The following TRAPPC9 variants were observed in gnomAD, a reference collection of about 807,000 sequenced individuals.
The protein encoded by TRAPPC9 is trafficking protein particle complex subunit 9.
Under a neutral mutation model 124.0 loss-of-function variants are expected in TRAPPC9, and 83 were observed. That is an observed-to-expected ratio of 0.67 (90% CI 0.56 to 0.80). TRAPPC9 has a LOEUF of 0.80. Ranked by LOEUF, TRAPPC9 falls within the 30% of genes least tolerant of loss-of-function variation. The pLI is 0.00. For synonymous variants in TRAPPC9, 638 were observed against 617.5 expected (o/e 1.03, Z -0.49); for missense variants, 1,302 against 1,508.3 (o/e 0.86, Z 2.27).
At chr8:140,120,808 T>TCATCCATCTAACATCCATC (rs2060973475) in intron 17 of TRAPPC9, among the ~76,000 whole-genome samples, 4 of 115,572 alleles carry the variant, frequency 3.5e-5, no homozygotes, top group African/African-American at 1.4e-4. Flanking sequence ...ATCCATCCAT[T>TCATCCATCTAACATCCATC]CATCCATCTA....
Position 140,162,209 on chromosome 8 carries a change from G to A in TRAPPC9, c.2556+59250C>T, listed in dbSNP as rs539003181. Among the ~76,000 whole-genome samples the A allele has an allele frequency of 2.0e-5, 3 of 152,212 alleles. No homozygotes were observed. In the South Asian group the frequency reaches 6.2e-4, roughly 32 times the overall value. On this transcript the variant is annotated intron_variant, in intron 17 of 22. Transcript: ENST00000438773. The stretch of plus-strand genomic sequence containing the variant: ...TCTTTCAAGAATGAGTGATTCAGGG[G>A]ACAGCCACAGCCTGCCACCCTGCTT...
At chr8:140,424,840 G>A (rs1017226253) in intron 5 of TRAPPC9, among the ~76,000 whole-genome samples, 1 of 152,122 alleles carries the variant, frequency 6.6e-6, no homozygotes. Flanking sequence ...TTTTGGAAAC[G>A]GTGGTGAGGA....
intron 19 of TRAPPC9, among the ~76,000 whole-genome samples, chr8:139,978,097 C>T (rs1405687019): frequency 2.6e-5 from 4 of 152,136 alleles, no homozygotes; most frequent in African/African-American, 7.2e-5. Context: ...AGGCTGGTCT[C>T]GAACTCCTGG....
chr8:140,147,837 C>T (rs7815059), intron 17 of TRAPPC9, among the ~76,000 whole-genome samples: 484 of 152,382 alleles, frequency 3.2e-3, no homozygotes, highest in Non-Finnish European at 5.0e-3. Flanking sequence ...AGCAACACGG[C>T]GGCGGCTCAG....
intron 19 of TRAPPC9, among the ~76,000 whole-genome samples, chr8:139,924,967 G>C (rs1401927635): frequency 6.6e-6 from 1 of 152,230 alleles, no homozygotes; most frequent in Non-Finnish European, 1.5e-5. Context: ...CCAGAGGGTA[G>C]AGCCAGAGCA....
intron 15 of TRAPPC9, among the ~76,000 whole-genome samples, chr8:140,272,677 G>A (rs1458187207): frequency 6.6e-6 from 1 of 152,042 alleles, no homozygotes; most frequent in Admixed American, 6.5e-5. Flanking sequence ...GCCTGAGGAA[G>A]CTTCCATTCA....
chr8:140,234,602 C>T (rs1314732307), intron 16 of TRAPPC9, among the ~76,000 whole-genome samples: 1 of 152,216 alleles, frequency 6.6e-6, no homozygotes, highest in Non-Finnish European at 1.5e-5. Context: ...CTTTGCTAAA[C>T]CGTGCCCCAC....
chr8:140,420,090 T>C (rs942200225), intron 5 of TRAPPC9, among the ~76,000 whole-genome samples: 1 of 152,098 alleles, frequency 6.6e-6, no homozygotes, highest in Non-Finnish European at 1.5e-5. Context: ...AAGAAAACAA[T>C]TCCATTTACA....
chr8:140,263,912 C>T (rs1164902517), intron 15 of TRAPPC9, among the ~76,000 whole-genome samples: 1 of 152,140 alleles, frequency 6.6e-6, no homozygotes, highest in Non-Finnish European at 1.5e-5. Flanking sequence ...TCTGTCCACG[C>T]CGAGATATGC....
intron 16 of TRAPPC9, 61 bp from the exon 17 acceptor site, chr8:140,221,644 G>A: frequency 6.4e-7 from 1 of 1,560,276 alleles, no homozygotes; most frequent in East Asian, 2.4e-5. Context: ...GTTTGTTGTT[G>A]TTGTTGTTGT....
intron 17 of TRAPPC9, among the ~76,000 whole-genome samples, chr8:140,196,730 C>T (rs140678514): frequency 6.6e-6 from 1 of 151,682 alleles, no homozygotes; most frequent in Non-Finnish European, 1.5e-5. Context: ...ATCCACTACA[C>T]AGCTTGCACC....
At position 140,063,558 on chromosome 8, in the gene TRAPPC9, G is replaced by C. The variant is rs1842750711; in HGVS notation, c.2557-39479C>G. Among the ~76,000 whole-genome samples, 1 of 152,132 alleles carries C rather than the reference G, an allele frequency of 6.6e-6. No individual in the cohort carries two copies. Among genetic ancestry groups the C allele is most frequent in the South Asian group, 2.1e-4 (1 of 4,822 alleles). ...AGAAATGTTTGTTGAATGGATCGGG[G>C]AACAGAACAGTGAACGGCAATAAAG... On this transcript the variant is annotated intron_variant, in intron 17 of 22. Transcript: ENST00000438773. This position sits in a 1 kb window ranked among gnomAD's most constrained non-coding sequence, Gnocchi z 4.3.
intron 21 of TRAPPC9, among the ~76,000 whole-genome samples, chr8:139,839,440 A>G (rs965351798): frequency 2.4e-4 from 37 of 152,228 alleles, no homozygotes; most frequent in African/African-American, 8.9e-4. Context: ...ACAGGCCACC[A>G]GGTAGTGAGG....
intron 17 of TRAPPC9, among the ~76,000 whole-genome samples, chr8:140,060,873 C>T (rs1305926382): frequency 6.6e-6 from 1 of 152,216 alleles, no homozygotes; most frequent in South Asian, 2.1e-4. Context: ...GATCTTAGGG[C>T]GAAGGCCATG....
chr8:140,393,451 C>T (rs1420039899), intron 7 of TRAPPC9, among the ~76,000 whole-genome samples: 1 of 152,160 alleles, frequency 6.6e-6, no homozygotes, highest in East Asian at 1.9e-4. Flanking sequence ...TATTTGCTGC[C>T]ATTTGTGAAT....
chr8:139,926,739 A>G (rs1832844057), intron 19 of TRAPPC9, among the ~76,000 whole-genome samples: 1 of 152,176 alleles, frequency 6.6e-6, no homozygotes, highest in African/African-American at 2.4e-5. Flanking sequence ...AAACAAACAA[A>G]AACACCTCCT....
At chr8:140,382,158 G>C (rs1030946095) in intron 7 of TRAPPC9, among the ~76,000 whole-genome samples, 1 of 152,196 alleles carries the variant, frequency 6.6e-6, no homozygotes, top group East Asian at 1.9e-4. Flanking sequence ...GAATGAAGTG[G>C]CGGTTCCAAG....
chr8:139,978,595 G>T (rs1281720404), intron 19 of TRAPPC9, among the ~76,000 whole-genome samples: 1 of 152,234 alleles, frequency 6.6e-6, no homozygotes, highest in Non-Finnish European at 1.5e-5. Context: ...ATTGCTGCTT[G>T]TTGAAGGTGG....
chr8:140,000,213 C>T (rs561517565), intron 18 of TRAPPC9, among the ~76,000 whole-genome samples: 34 of 152,292 alleles, frequency 2.2e-4, no homozygotes, highest in Admixed American at 7.2e-4. Context: ...CTTCCTTACA[C>T]TGTATAAAAA....
Sources: allele counts gnomAD v4.1 joint callset (sites outside exome capture counted in the v4.1 genomes callset), GRCh38; gene constraint gnomAD v4.1.1; non-coding constraint Gnocchi (gnomAD v3.1); transcripts MANE v1.5; gene names NCBI Gene and HGNC (gene_info 2026-07-23, HGNC 2026-07-21).